GRHL2: variants seen among roughly 807,000 people sequenced by gnomAD.
GRHL2 encodes the protein grainyhead-like protein 2 homolog.
In GRHL2, 21 loss-of-function variants were observed where a neutral mutation model predicts 83.8. The ratio of observed to expected loss-of-function variants is 0.25; its 90% CI spans 0.18 to 0.36. The LOEUF (loss-of-function observed/expected upper bound fraction) is 0.36. Ranked by LOEUF, GRHL2 falls within the 10% of genes least tolerant of loss-of-function variation. GRHL2 has a pLI of 1.00. For missense variants in GRHL2, 623 were observed against 781.8 expected (o/e 0.80, Z 2.42); for synonymous variants, 280 against 278.9 (o/e 1.00, Z -0.04).
intron 7 of GRHL2, among the ~76,000 whole-genome samples, chr8:101,595,361 T>C (rs546428136): frequency 3.3e-5 from 5 of 152,228 alleles, no homozygotes; most frequent in Admixed American, 1.3e-4. Context: ...CCTCATAATG[T>C]TGTAACTCAT....
At chr8:101,643,396 A>AT (rs1554595706) in intron 12 of GRHL2, among the ~76,000 whole-genome samples, 3 of 141,562 alleles carry the variant, frequency 2.1e-5, no homozygotes, top group Non-Finnish European at 4.6e-5. Flanking sequence ...AAAAAAAAAA[A>AT]TCCTCCCCTT....
intron 14 of GRHL2, among the ~76,000 whole-genome samples, chr8:101,655,793 C>T (rs1273352347): frequency 1.3e-5 from 2 of 152,192 alleles, no homozygotes; most frequent in African/African-American, 4.8e-5. Context: ...GCCTTAAAGA[C>T]AAGGAATTTG....
chr8:101,581,061 C>T (rs1281225023), intron 7 of GRHL2, among the ~76,000 whole-genome samples: 1 of 152,148 alleles, frequency 6.6e-6, no homozygotes, highest in Non-Finnish European at 1.5e-5. Flanking sequence ...CTTTGTATTC[C>T]AGCCTCTAGC....
intron 6 of GRHL2, 155 bp downstream of exon 6, chr8:101,573,979 G>A (rs1811881116): frequency 3.7e-6 from 3 of 817,204 alleles, no homozygotes; most frequent in Non-Finnish European, 6.0e-6. Context: ...GCACTTATTG[G>A]CTCGTAGTTG....
chr8:101,608,935 G>A lies in GRHL2; in HGVS notation c.1098+9784G>A, dbSNP rs1328281244. On this transcript the variant is annotated intron_variant, in intron 8 of 15. Coordinates refer to ENST00000646743, the MANE Select transcript of GRHL2 (RefSeq NM_024915.4). ...AAGAAGAGTGTATGGTAGGGAACAAGGGGGTGTCCAAAGGTGCAGAACCTG... is the reference window on the plus strand; with the variant it reads ...AAGAAGAGTGTATGGTAGGGAACAAAGGGGTGTCCAAAGGTGCAGAACCTG... 2.0e-5 allele frequency among the ~76,000 whole-genome samples: 3 copies of A among 150,402 alleles called. No individual in the cohort carries two copies. In the East Asian group the frequency reaches 5.8e-4, roughly 29 times the overall value.
the GRHL2 span, among the ~76,000 whole-genome samples, chr8:101,679,633 C>A: frequency 1.3e-5 from 2 of 151,336 alleles, no homozygotes; most frequent in African/African-American, 2.4e-5. Context: ...TCAGATTCAC[C>A]AAAGTTGAAA....
At chr8:101,519,194 T>C (rs980828883) in intron 1 of GRHL2, among the ~76,000 whole-genome samples, 6 of 152,164 alleles carry the variant, frequency 3.9e-5, no homozygotes, top group Non-Finnish European at 2.9e-5. Context: ...GATTTTTTTT[T>C]TTTTAATTTT....
At chr8:101,567,814 G>C (rs764911901) in intron 4 of GRHL2, among the ~76,000 whole-genome samples, 2 of 152,162 alleles carry the variant, frequency 1.3e-5, no homozygotes, top group Admixed American at 6.5e-5. Context: ...GAATTTACAA[G>C]TCCAATATGC....
At chr8:101,607,662 G>A (rs777883078) in intron 8 of GRHL2, among the ~76,000 whole-genome samples, 26 of 152,246 alleles carry the variant, frequency 1.7e-4, no homozygotes, top group Middle Eastern at 3.4e-3. Flanking sequence ...TCCTGGGAGG[G>A]GTCTTGAAAG....
At chr8:101,646,051 G>C (rs1421896268) in intron 13 of GRHL2, among the ~76,000 whole-genome samples, 3 of 151,962 alleles carry the variant, frequency 2.0e-5, no homozygotes, top group African/African-American at 7.3e-5. Flanking sequence ...TTTTTTGGTA[G>C]AGATGGGGTT....
chr8:101,520,530 C>T (rs1810661894), intron 1 of GRHL2, among the ~76,000 whole-genome samples: 1 of 151,974 alleles, frequency 6.6e-6, no homozygotes, highest in African/African-American at 2.4e-5. Flanking sequence ...CTGTTCAATC[C>T]CACGCAGCAG....
chr8:101,648,818 C>A (rs183273475), intron 13 of GRHL2, among the ~76,000 whole-genome samples: 2 of 152,324 alleles, frequency 1.3e-5, no homozygotes, highest in East Asian at 3.9e-4. Context: ...CAATTCACAA[C>A]TTGGATCTCT....
chr8:101,578,613 G>A (rs16867848), intron 7 of GRHL2, among the ~76,000 whole-genome samples: 45,270 of 152,022 alleles, frequency 0.3, 6,863 homozygotes, highest in South Asian at 0.44. Context: ...TAAGAAGTAA[G>A]TCATTTCTCA....
chr8:101,543,294 C>A lies in GRHL2; in HGVS notation c.74C>A (p.Thr25Asn), dbSNP rs995483376. The A allele has an allele frequency of 6.2e-7, 1 of 1,613,980 alleles. No individual in the cohort carries two copies. The highest frequency in any genetic ancestry group is 1.3e-5 in the African/African-American group (1 of 74,900). ...VPMPSDPPFNTRRAYTSEDEA... is the reference protein window; with the variant it reads ...VPMPSDPPFNNRRAYTSEDEA... ...ATGCCCAGTGACCCTCCATTCAATA[C>A]CCGAAGAGCCTACACCAGTGAGGAT... is the stretch of plus-strand genomic sequence containing the variant. The change falls in exon 2 of 16, where the codon ACC becomes AAC. Residue 25 changes from threonine (T) to asparagine (N), a missense_variant. Coordinates refer to ENST00000646743, the MANE Select transcript of GRHL2 (RefSeq NM_024915.4).
intron 8 of GRHL2, among the ~76,000 whole-genome samples, chr8:101,611,914 ATC>A (rs1563607411): frequency 1.3e-5 from 2 of 150,220 alleles, no homozygotes; most frequent in African/African-American, 5.0e-5. Context: ...TTTCTCTTCC[ATC>A]TCTCTTTCTC....
intron 13 of GRHL2, 138 bp downstream of exon 13, chr8:101,644,363 G>A: frequency 1.4e-6 from 1 of 702,846 alleles, no homozygotes; most frequent in Non-Finnish European, 2.6e-6. Flanking sequence ...GAAGTCCACA[G>A]TCTTCTTCTT....
chr8:101,492,716 T>C lies in GRHL2; in HGVS notation c.-54T>C. 1.3e-6 allele frequency: 2 copies of C among 1,555,800 alleles called. No individual in the cohort carries two copies. Among genetic ancestry groups the C allele is most frequent in the Non-Finnish European group, 1.8e-6 (2 of 1,126,836 alleles). On this transcript the variant is annotated 5_prime_UTR_variant, in exon 1 of 16. Coordinates refer to ENST00000646743, the MANE Select transcript of GRHL2 (RefSeq NM_024915.4). The stretch of plus-strand genomic sequence containing the variant: ...CACCTGCACAGACTTGAAAGTCCAG[T>C]TTCACCAGAGGCTGAGGCTCCAGGA...
At chr8:101,507,291 T>A (rs1810360119) in intron 1 of GRHL2, among the ~76,000 whole-genome samples, 1 of 152,208 alleles carries the variant, frequency 6.6e-6, no homozygotes, top group African/African-American at 2.4e-5. Flanking sequence ...TATTTTGGTC[T>A]TATGTATGTG....
At chr8:101,676,551 T>G in the GRHL2 span, among the ~76,000 whole-genome samples, 1 of 152,064 alleles carries the variant, frequency 6.6e-6, no homozygotes, top group African/African-American at 2.4e-5. Context: ...CATTCAAAAG[T>G]CAGGAAACAA....
Sources: allele counts gnomAD v4.1 joint callset (sites outside exome capture counted in the v4.1 genomes callset), GRCh38; gene constraint gnomAD v4.1.1; transcripts MANE v1.5; gene names NCBI Gene and HGNC (gene_info 2026-07-23, HGNC 2026-07-21).